Variants in PRKN observed in about 807,000 individuals in gnomAD.
PRKN encodes E3 ubiquitin-protein ligase parkin.
A neutral mutation model predicts 59.5 loss-of-function variants in PRKN; 56 were observed. That is an observed-to-expected ratio of 0.94 (90% CI 0.76 to 1.18). The LOEUF (loss-of-function observed/expected upper bound fraction) is 1.18, where lower values mean the gene tolerates loss of function less well. PRKN is among the 50% of genes most tolerant of loss of function. The pLI, the probability that PRKN is intolerant of heterozygous loss-of-function variation, is 0.00. For missense variants in PRKN, 657 were observed against 596.4 expected, an observed-to-expected ratio of 1.10 and a Z score of -1.06; for synonymous variants, 250 against 222.1, an observed-to-expected ratio of 1.13 and a Z score of -1.12.
At chr6:162,558,591 A>C (rs181789598) in intron 1 of PRKN, among the ~76,000 whole-genome samples, 195 of 150,968 alleles carry the variant, frequency 1.3e-3, no homozygotes, top group South Asian at 0.011. Context: ...AGCCTCCCAA[A>C]GTGCTGGGAT....
chr6:162,216,767 T>A (rs1170934563), intron 3 of PRKN, among the ~76,000 whole-genome samples: 3 of 152,074 alleles, frequency 2.0e-5, no homozygotes, highest in African/African-American at 7.2e-5. Flanking sequence ...GAGCCCATCA[T>A]GAGATGATGA....
intron 4 of PRKN, among the ~76,000 whole-genome samples, chr6:162,086,566 A>G (rs113603447): frequency 4.6e-5 from 7 of 152,154 alleles, no homozygotes; most frequent in Non-Finnish European, 1.0e-4. Flanking sequence ...CAACAGATAA[A>G]CCCACAGCCA....
chr6:161,368,720 C>T (rs1309095514), intron 10 of PRKN, among the ~76,000 whole-genome samples: 2 of 151,752 alleles, frequency 1.3e-5, no homozygotes, highest in East Asian at 3.9e-4. Context: ...CCCAGCTGCC[C>T]ACCCGCCCTT....
At chr6:161,795,228 C>CTT (rs58319044) in intron 6 of PRKN, among the ~76,000 whole-genome samples, 110,190 of 128,268 alleles carry the variant, frequency 0.86, 47,426 homozygotes, top group East Asian at 0.93. Context: ...GTTTTCTTTT[C>CTT]TTTTTTTTTT....
At chr6:162,497,783 GAA>G (rs988135483) in intron 1 of PRKN, among the ~76,000 whole-genome samples, 7 of 152,150 alleles carry the variant, frequency 4.6e-5, no homozygotes, top group Non-Finnish European at 8.8e-5. Context: ...GGGGGAGGAG[GAA>G]AAGAGGTTGG....
intron 1 of PRKN, among the ~76,000 whole-genome samples, chr6:162,655,005 T>C (rs1778588527): frequency 6.6e-6 from 1 of 152,172 alleles, no homozygotes; most frequent in Admixed American, 6.5e-5. Context: ...TAAACCCCAA[T>C]ATGATTTTCT....
intron 9 of PRKN, among the ~76,000 whole-genome samples, chr6:161,492,839 C>A (rs117145050): frequency 2.0e-5 from 3 of 152,146 alleles, no homozygotes; most frequent in Admixed American, 2.0e-4. Flanking sequence ...ACGTGGTGTT[C>A]CCAGTGGATC....
At chr6:162,200,305 C>T (rs1336106352) in intron 4 of PRKN, among the ~76,000 whole-genome samples, 1 of 152,112 alleles carries the variant, frequency 6.6e-6, no homozygotes, top group Non-Finnish European at 1.5e-5. Context: ...GAACCTGACA[C>T]TTTCTATCGG....
At chr6:161,689,874 C>T (rs113469310) in intron 7 of PRKN, among the ~76,000 whole-genome samples, 158 of 152,022 alleles carry the variant, frequency 1.0e-3, no homozygotes, top group African/African-American at 3.7e-3. Flanking sequence ...CCACACCTGG[C>T]TAATTTTGTA....
At chr6:162,102,690 C>A (rs962186737) in intron 4 of PRKN, among the ~76,000 whole-genome samples, 2 of 145,582 alleles carry the variant, frequency 1.4e-5, no homozygotes, top group African/African-American at 2.8e-5. Flanking sequence ...ACTACAAAGC[C>A]CAATTTCTAG....
chr6:162,419,615 G>C (rs1314408014), intron 2 of PRKN, among the ~76,000 whole-genome samples: 2 of 152,188 alleles, frequency 1.3e-5, no homozygotes, highest in Admixed American at 6.5e-5. Flanking sequence ...TGCCCACAAC[G>C]CTCCCAAGTG....
At chr6:161,903,018 TAAC>T (rs2128235461) in intron 6 of PRKN, among the ~76,000 whole-genome samples, 1 of 152,258 alleles carries the variant, frequency 6.6e-6, no homozygotes, top group South Asian at 2.1e-4. Context: ...GTTCTCTACT[TAAC>T]AAGTAAGGCA....
intron 7 of PRKN, among the ~76,000 whole-genome samples, chr6:161,648,543 T>C (rs6919446): frequency 0.46 from 69,578 of 152,026 alleles, 17,293 homozygotes; most frequent in African/African-American, 0.66. Context: ...TGGATTCTCA[T>C]AAAATTAAAC....
Position 161,417,119 on chromosome 6 carries a change from C to T in PRKN, c.1084-30242G>A, listed in dbSNP as rs1787886729. On this transcript the variant is annotated intron_variant, in intron 9 of 11. Coordinates refer to ENST00000366898, the MANE Select transcript of PRKN (RefSeq NM_004562.3). This position sits in a 1 kb window ranked among gnomAD's most constrained non-coding sequence, Gnocchi z 5.4. ...CAAGAAGAGAGCTTGCTTGTGGGTC[C>T]AGAGTTTCTGATGGCAGCGGGTTTT... Among the ~76,000 whole-genome samples, 1 of 152,114 alleles carries T rather than the reference C, an allele frequency of 6.6e-6. No homozygotes were observed. Among genetic ancestry groups the T allele is most frequent in the South Asian group, 2.1e-4 (1 of 4,830 alleles).
chr6:161,826,600 G>C (rs759051731), intron 6 of PRKN, among the ~76,000 whole-genome samples: 1 of 152,162 alleles, frequency 6.6e-6, no homozygotes, highest in African/African-American at 2.4e-5. Context: ...CATCTCAGAC[G>C]CAGGACAAGC....
intron 4 of PRKN, among the ~76,000 whole-genome samples, chr6:162,192,458 T>G (rs200749004): frequency 8.1e-6 from 1 of 124,070 alleles, no homozygotes; most frequent in Non-Finnish European, 1.7e-5. Flanking sequence ...TTTTTTTTTT[T>G]TTTTTTTTTT....
intron 6 of PRKN, among the ~76,000 whole-genome samples, chr6:161,894,489 T>C (rs868441400): frequency 6.6e-6 from 1 of 152,232 alleles, no homozygotes; most frequent in African/African-American, 2.4e-5. Context: ...CAATCAATCC[T>C]CACCACAGCA....
chr6:161,972,582 C>T (rs1303340706), intron 6 of PRKN, among the ~76,000 whole-genome samples: 1 of 151,916 alleles, frequency 6.6e-6, no homozygotes, highest in African/African-American at 2.4e-5. Context: ...TTAGAAATAA[C>T]AAGGTCCCAA....
chr6:161,732,796 A>C (rs931174200), intron 7 of PRKN, among the ~76,000 whole-genome samples: 7 of 152,198 alleles, frequency 4.6e-5, no homozygotes, highest in African/African-American at 1.7e-4. Flanking sequence ...TTCAGTTAGC[A>C]TCCAGGGTTC....
Sources: gnomAD v4.1 joint callset for allele counts (sites outside exome capture counted in the v4.1 genomes callset) on GRCh38, gnomAD v4.1.1 for gene constraint, Gnocchi (gnomAD v3.1) non-coding constraint, MANE v1.5 for transcripts, NCBI Gene and HGNC (gene_info 2026-07-23, HGNC 2026-07-21) for gene names.